Variants in GRB10 observed in about 807,000 individuals in gnomAD.
The protein encoded by GRB10 is growth factor receptor-bound protein 10.
In GRB10, 20 loss-of-function variants were observed where a neutral mutation model predicts 80.9. The ratio of observed to expected loss-of-function variants is 0.25; its 90% confidence interval spans 0.17 to 0.36. The LOEUF is 0.36. Among genes scored for constraint, GRB10 ranks in the 10% least tolerant of loss-of-function variants. The pLI, the probability that GRB10 is intolerant of heterozygous loss-of-function variation, is 1.00. For synonymous variants in GRB10, 291 were observed against 291.5 expected (o/e 1.00, Z 0.02); for missense variants, 548 against 747.7 (o/e 0.73, Z 3.12).
chr7:50,599,181 C>T (rs1035324380), intron 17 of GRB10, among the ~76,000 whole-genome samples: 3 of 143,550 alleles, frequency 2.1e-5, no homozygotes, highest in Non-Finnish European at 4.6e-5. Flanking sequence ...TGGGTGGGGA[C>T]GGGGATGGGA....
chr7:50,644,886 C>T (rs1373320110), intron 7 of GRB10, among the ~76,000 whole-genome samples: 1 of 152,136 alleles, frequency 6.6e-6, no homozygotes, highest in Non-Finnish European at 1.5e-5. Context: ...ATGGGCGGAC[C>T]AGTTGGTGAA....
intron 16 of GRB10, 81 bp downstream of exon 16, chr7:50,604,230 C>A: frequency 1.5e-6 from 2 of 1,360,256 alleles, no homozygotes; most frequent in Non-Finnish European, 2.1e-6. Context: ...CAGGCAAATT[C>A]GTAAGGCTGA....
At chr7:50,663,529 C>T (rs1397565868) in intron 7 of GRB10, among the ~76,000 whole-genome samples, 1 of 152,226 alleles carries the variant, frequency 6.6e-6, no homozygotes, top group Non-Finnish European at 1.5e-5. Flanking sequence ...CACAACAAAG[C>T]CACTAGCTTC....
intron 5 of GRB10, among the ~76,000 whole-genome samples, chr7:50,697,671 G>T (rs2063611384): frequency 6.6e-6 from 1 of 152,194 alleles, no homozygotes; most frequent in South Asian, 2.1e-4. Context: ...AAGGAAGCAG[G>T]AAAGAACCGC....
In GRB10 at chr7:50,709,972, T is replaced by C. The variant is rs539274049; in HGVS notation, c.52-6064A>G. Among the ~76,000 whole-genome samples, 4 of 152,258 alleles carry C rather than the reference T, an allele frequency of 2.6e-5. No homozygotes were observed. In the South Asian group the frequency reaches 8.3e-4, roughly 32 times the overall value. ...CAGCTGGTGTTCCTTGACTCCAAAG[T>C]GACTGCTGTATGCCTCTCACAGCAC... is the stretch of plus-strand genomic sequence containing the variant. On this transcript the variant is annotated intron_variant, in intron 4 of 18. Transcript: ENST00000401949.
At chr7:50,707,172 T>G (rs2065149529) in intron 4 of GRB10, among the ~76,000 whole-genome samples, 1 of 152,216 alleles carries the variant, frequency 6.6e-6, no homozygotes, top group African/African-American at 2.4e-5. Flanking sequence ...TCATTTGTGT[T>G]TTACTCTGAT....
intron 4 of GRB10, among the ~76,000 whole-genome samples, chr7:50,713,217 C>T (rs764710252): frequency 2.0e-5 from 3 of 152,128 alleles, no homozygotes; most frequent in Admixed American, 6.5e-5. Context: ...ATGGAAAGCA[C>T]GGCTCAGTAA....
intron 2 of GRB10, among the ~76,000 whole-genome samples, chr7:50,780,239 G>T (rs142070604): frequency 1.8e-4 from 27 of 152,318 alleles, no homozygotes; most frequent in African/African-American, 6.3e-4. Context: ...TGTGAAATAT[G>T]AGAAAATATG....
At chr7:50,762,614 T>C (rs1366936752) in intron 2 of GRB10, among the ~76,000 whole-genome samples, 3 of 152,230 alleles carry the variant, frequency 2.0e-5, no homozygotes, top group Non-Finnish European at 4.4e-5. Flanking sequence ...TGGCAACTTA[T>C]GCTCAGTAAG....
intron 15 of GRB10, chr7:50,604,925 C>A: frequency 3.2e-6 from 1 of 313,016 alleles, no homozygotes; most frequent in South Asian, 3.9e-5. Flanking sequence ...CTGTTAGTAG[C>A]AGACCTTGAT....
chr7:50,633,300 A>G (rs2054351876), intron 7 of GRB10, among the ~76,000 whole-genome samples: 1 of 152,234 alleles, frequency 6.6e-6, no homozygotes. Context: ...AAAGCTATCT[A>G]TAACCAAGTA....
At chr7:50,710,092 T>C (rs1169917235) in intron 4 of GRB10, among the ~76,000 whole-genome samples, 4 of 152,026 alleles carry the variant, frequency 2.6e-5, no homozygotes, top group African/African-American at 9.7e-5. Context: ...TTTGGCACTT[T>C]CTCTGACAAC....
chr7:50,622,165 T>C (rs980087594), intron 8 of GRB10, among the ~76,000 whole-genome samples: 1 of 152,110 alleles, frequency 6.6e-6, no homozygotes, highest in Non-Finnish European at 1.5e-5. Flanking sequence ...GAGTAATCAG[T>C]GAGATAGCCC....
At chr7:50,595,359 T>C (rs985329105) in intron 18 of GRB10, 78 bp downstream of exon 18, 4 of 834,816 alleles carry the variant, frequency 4.8e-6, no homozygotes, top group Admixed American at 1.7e-5. Flanking sequence ...GTCTTGTCGG[T>C]TTATAACTTG....
intron 13 of GRB10, among the ~76,000 whole-genome samples, chr7:50,609,727 G>T (rs145134160): frequency 6.6e-6 from 1 of 152,286 alleles, no homozygotes; most frequent in East Asian, 1.9e-4. Context: ...GAGGGAGGAG[G>T]AAAGATGGCA....
At chr7:50,623,208 C>T (rs1186957434) in intron 8 of GRB10, among the ~76,000 whole-genome samples, 1 of 152,182 alleles carries the variant, frequency 6.6e-6, no homozygotes, top group Non-Finnish European at 1.5e-5. Context: ...TGGCTAAGAA[C>T]TCCACTCCAG....
At chr7:50,629,571 A>G (rs1050667252) in intron 7 of GRB10, among the ~76,000 whole-genome samples, 1 of 152,102 alleles carries the variant, frequency 6.6e-6, no homozygotes, top group Non-Finnish European at 1.5e-5. Context: ...CCAACCACAC[A>G]CAAAGCTAAG....
chr7:50,777,615 C>A (rs1285036152), intron 2 of GRB10, among the ~76,000 whole-genome samples: 1 of 151,760 alleles, frequency 6.6e-6, no homozygotes, highest in Non-Finnish European at 1.5e-5. Context: ...TACATGCACA[C>A]CTATGTTTAT....
chr7:50,619,667 G>A (rs576037112), intron 8 of GRB10, among the ~76,000 whole-genome samples: 2 of 152,312 alleles, frequency 1.3e-5, no homozygotes, highest in Admixed American at 1.3e-4. Flanking sequence ...ACTTGAAAGA[G>A]GTGGAGGAGG....
Sources: allele counts gnomAD v4.1 joint callset (sites outside exome capture counted in the v4.1 genomes callset), GRCh38; gene constraint gnomAD v4.1.1; transcripts MANE v1.5; gene names NCBI Gene and HGNC (gene_info 2026-07-23, HGNC 2026-07-21).